ADAMDEC1: variants seen among roughly 807,000 people sequenced by gnomAD.
ADAMDEC1 encodes ADAM DEC1.
A neutral mutation model predicts 60.4 loss-of-function variants in ADAMDEC1; 62 were observed. That is an observed-to-expected ratio of 1.03 (90% confidence interval 0.84 to 1.27). The LOEUF (loss-of-function observed/expected upper bound fraction) is 1.27, where lower values mean the gene tolerates loss of function less well. Among genes scored for constraint, ADAMDEC1 ranks in the 50% most tolerant of loss-of-function variants. The pLI, the probability that ADAMDEC1 is intolerant of heterozygous loss-of-function variation, is 0.00. For synonymous variants in ADAMDEC1, 210 were observed against 195.1 expected (o/e 1.08, Z -0.64); for missense variants, 595 against 565.0 (o/e 1.05, Z -0.54).
intron 5 of ADAMDEC1, 26 bp downstream of exon 5, chr8:24,395,822 A>G: frequency 1.3e-6 from 2 of 1,557,174 alleles, no homozygotes; most frequent in Non-Finnish European, 1.8e-6. Flanking sequence ...AAAATTACTC[A>G]AGATCAAGAA....
In ADAMDEC1 at chr8:24,402,001, A is replaced by C; in HGVS notation, c.1229A>C (p.Gln410Pro). 1.2e-6 allele frequency: 2 copies of C among 1,613,380 alleles called. No individual in the cohort carries two copies. The highest frequency in any genetic ancestry group is 2.2e-5 in the South Asian group (2 of 91,054). The change falls in exon 12 of 14, where the codon CAA (glutamine) becomes CCA (proline). Residue 410 changes from glutamine (Q) to proline (P), a missense_variant. Transcript: ENST00000256412. ...LLSQKPKCLL[Q>P]APIPTNIMTT... ...TCTCAGAAACCAAAGTGCCTGCTGCAAGCACCTATTCCTACAAATATAATG... is the reference window on the plus strand; with the variant it reads ...TCTCAGAAACCAAAGTGCCTGCTGCCAGCACCTATTCCTACAAATATAATG...
chr8:24,394,079 G>A lies in ADAMDEC1; in HGVS notation c.295G>A (p.Gly99Arg), dbSNP rs754566400. Residue 99 changes from glycine to arginine, a missense_variant, in exon 4 of 14, where the codon GGG becomes AGG. Physicochemically the swap from Gly to Arg is moderately radical, Grantham distance 125 (BLOSUM62 -2). Transcript: ENST00000256412. ...CTCTGCTCTCTACAGGCACCTCCTG[G>A]GGCCAGACTACACTGAAACATTGTA... ...LSLQKTKHLL[G>R]PDYTETLYSP... 1 of 1,612,826 alleles carries A rather than the reference G, an allele frequency of 6.2e-7. No homozygotes were observed. The highest frequency in any genetic ancestry group is 8.5e-7 in the Non-Finnish European group (1 of 1,179,030).
rs1817685002 is a variant in ADAMDEC1 at position 24,398,886 on chromosome 8, A to G, written c.775A>G (p.Ile259Val). 1.2e-5 allele frequency: 20 copies of G among 1,613,652 alleles called. No homozygotes were observed. The East Asian group carries it at 4.5e-4, about 36-fold the overall frequency. Residue 259 changes from isoleucine (I) to valine (V), a missense_variant, in exon 9 of 14, where the codon ATA becomes GTA. Ile to Val is a conservative substitution (Grantham distance 29). Coordinates refer to ENST00000256412, the MANE Select transcript of ADAMDEC1 (RefSeq NM_014479.3). The stretch of plus-strand genomic sequence containing the variant: ...GCTCTTTCCACAGATATATAACACC[A>G]TAGATGTTCAAGTGGCCTTGGTAGG... ...MNLLNVIYNT[I>V]DVQVALVGME...
intron 1 of ADAMDEC1, chr8:24,387,327 T>G (rs1817317743): frequency 6.6e-6 from 1 of 152,342 alleles, no homozygotes; most frequent in Non-Finnish European, 1.5e-5. Flanking sequence ...GCACCTTTAC[T>G]CGGTAACGGC....
At position 24,402,380 on chromosome 8, in the gene ADAMDEC1, C is replaced by T. The variant is rs187411387; in HGVS notation, c.1320+288C>T. Among the ~76,000 whole-genome samples the T allele has an allele frequency of 6.6e-5, 10 of 152,146 alleles. No homozygotes were observed. In the East Asian group the frequency reaches 1.4e-3, roughly 21 times the overall value. On this transcript the variant is annotated intron_variant, in intron 12 of 13. Coordinates refer to ENST00000256412, the MANE Select transcript of ADAMDEC1 (RefSeq NM_014479.3). ...CGTGTATTAGTCAGAAATCCCTAGACGACATAATGTCACAGTTGATCATCT... is the reference window on the plus strand; with the variant it reads ...CGTGTATTAGTCAGAAATCCCTAGATGACATAATGTCACAGTTGATCATCT...
Position 24,398,928 on chromosome 8 carries a change from G to A in ADAMDEC1, c.817G>A (p.Asp273Asn). The change falls in exon 9 of 14, where the codon GAT becomes AAT. Residue 273 changes from aspartate (D) to asparagine (N), a missense_variant. Coordinates refer to ENST00000256412, the MANE Select transcript of ADAMDEC1 (RefSeq NM_014479.3). ...CTTGGTAGGTATGGAAATCTGGTCT[G>A]ATGGGGATAAGATAAAGGTGGTGCC... ...VALVGMEIWS[D>N]GDKIKVVPSA... The A allele has an allele frequency of 6.2e-7, 1 of 1,613,888 alleles. No homozygotes were observed. Among genetic ancestry groups the A allele is most frequent in the Non-Finnish European group, 8.5e-7 (1 of 1,179,890 alleles).
Position 24,398,547 on chromosome 8 carries a change from A to G in ADAMDEC1, c.758A>G (p.Asn253Ser), listed in dbSNP as rs781060986. 4.4e-6 allele frequency: 7 copies of G among 1,596,660 alleles called. No homozygotes were observed. The highest frequency in any genetic ancestry group is 1.7e-5 in the Admixed American group (1 of 57,278). ...SFVFDVMNLL[N>S]VIYNTIDVQV... ...GTGTTTGATGTGATGAACCTACTCA[A>G]TGTGGTAAGACATTAGTCATGTAAA... Residue 253 changes from asparagine to serine, a missense_variant, in exon 8 of 14, where the codon AAT becomes AGT. Coordinates refer to ENST00000256412, the MANE Select transcript of ADAMDEC1 (RefSeq NM_014479.3).
At chr8:24,396,071 T>C (rs1440782625) in intron 5 of ADAMDEC1, among the ~76,000 whole-genome samples, 1 of 152,204 alleles carries the variant, frequency 6.6e-6, no homozygotes, top group African/African-American at 2.4e-5. Context: ...CAACCTACTC[T>C]CTGAAACAGT....
At chr8:24,389,340 C>G (rs1817378383) in intron 1 of ADAMDEC1, among the ~76,000 whole-genome samples, 1 of 152,152 alleles carries the variant, frequency 6.6e-6, no homozygotes. Context: ...CTCTCTTTCT[C>G]TCATGTTCTA....
chr8:24,400,096 G>T, intron 10 of ADAMDEC1, 74 bp from the exon 11 acceptor site: 1 of 1,247,920 alleles, frequency 8.0e-7, no homozygotes, highest in Non-Finnish European at 1.1e-6. Context: ...CATCTCTTAA[G>T]CCATTTTTAA....
In ADAMDEC1 at chr8:24,390,142, G is replaced by A. The variant is rs191980563; in HGVS notation, c.89-2120G>A. On this transcript the variant is annotated intron_variant, in intron 1 of 13. Transcript: ENST00000256412. The stretch of plus-strand genomic sequence containing the variant: ...TTAACCTGACAGCCTCAAACTGTGC[G>A]TGGCCTAAAGTCAGCATTCAATAAA... 5.7e-5 allele frequency: 42 copies of A among 730,642 alleles called. 1 individual carries two copies. Among genetic ancestry groups the A allele is most frequent in the Middle Eastern group, 2.8e-4 (1 of 3,632 alleles). 45.3% of individuals were successfully genotyped at this position (730,642 alleles called of 1,614,324 possible).
At chr8:24,404,766 A>G (rs1424886635) in intron 13 of ADAMDEC1, among the ~76,000 whole-genome samples, 2 of 152,228 alleles carry the variant, frequency 1.3e-5, no homozygotes, top group Admixed American at 6.5e-5. Context: ...AGACAGTATA[A>G]AGAAAATAAT....
intron 2 of ADAMDEC1, among the ~76,000 whole-genome samples, chr8:24,392,652 G>C (rs1199985353): frequency 1.3e-5 from 2 of 152,162 alleles, no homozygotes; most frequent in Non-Finnish European, 2.9e-5. Context: ...AGAAGCCCGG[G>C]AAGGTCGGCC....
chr8:24,398,928 G>T lies in ADAMDEC1; in HGVS notation c.817G>T (p.Asp273Tyr). 6 of 1,613,888 alleles carry T rather than the reference G, an allele frequency of 3.7e-6. No homozygotes were observed. In the South Asian group the frequency reaches 6.6e-5, roughly 18 times the overall value. ...CTTGGTAGGTATGGAAATCTGGTCT[G>T]ATGGGGATAAGATAAAGGTGGTGCC... ...VALVGMEIWSDGDKIKVVPSA... is the reference protein window; with the variant it reads ...VALVGMEIWSYGDKIKVVPSA... Residue 273 changes from aspartate to tyrosine, a missense_variant, in exon 9 of 14, where the codon GAT becomes TAT. Asp to Tyr is a radical substitution (Grantham distance 160, BLOSUM62 -3). Transcript: ENST00000256412.
At chr8:24,389,469 A>C in intron 1 of ADAMDEC1, among the ~76,000 whole-genome samples, 1 of 152,100 alleles carries the variant, frequency 6.6e-6, no homozygotes, top group East Asian at 1.9e-4. Context: ...TCTGTCTTAC[A>C]TTACTGCAAT....
At chr8:24,384,687 G>GTCTT in intron 1 of ADAMDEC1, 95 bp downstream of exon 1, 4 of 1,144,714 alleles carry the variant, frequency 3.5e-6, no homozygotes, top group Non-Finnish European at 4.9e-6. Flanking sequence ...TGTTTTTATG[G>GTCTT]TCGAAAGACC....
intron 1 of ADAMDEC1, 63 bp from the exon 2 acceptor site, chr8:24,392,199 C>A: frequency 7.9e-7 from 1 of 1,270,844 alleles, no homozygotes; most frequent in Non-Finnish European, 1.1e-6. Flanking sequence ...GAAAACAAAA[C>A]ACAACACGAC....
chr8:24,392,701 C>G (rs1817477853), intron 2 of ADAMDEC1, among the ~76,000 whole-genome samples: 1 of 152,124 alleles, frequency 6.6e-6, no homozygotes, highest in South Asian at 2.1e-4. Flanking sequence ...AGCCTCACCA[C>G]CCCTTTTCTC....
intron 7 of ADAMDEC1, 88 bp downstream of exon 7, chr8:24,397,833 G>A: frequency 7.9e-7 from 1 of 1,270,952 alleles, no homozygotes; most frequent in East Asian, 2.4e-5. Context: ...AACTATTTTA[G>A]CTAATCATGG....
Sources: gnomAD v4.1 joint callset for allele counts (sites outside exome capture counted in the v4.1 genomes callset) on GRCh38, gnomAD v4.1.1 for gene constraint, MANE v1.5 for transcripts, NCBI Gene and HGNC (gene_info 2026-07-23, HGNC 2026-07-21) for gene names.